Variants in CRABP1 observed in about 807,000 individuals in gnomAD.
CRABP1 encodes cellular retinoic acid-binding protein 1.
CRABP1 carries 9 observed loss-of-function variants against 16.4 expected under a neutral mutation model. That is an observed-to-expected ratio of 0.55 (90% confidence interval 0.33 to 0.96). The LOEUF is 0.96. Ranked by LOEUF, CRABP1 falls within the 40% of genes least tolerant of loss-of-function variation. CRABP1 has a pLI of 0.03. For synonymous variants in CRABP1, 72 were observed against 70.4 expected (o/e 1.02, Z -0.11); for missense variants, 157 against 186.0 (o/e 0.84, Z 0.91).
intron 3 of CRABP1, among the ~76,000 whole-genome samples, chr15:78,345,720 T>C (rs1479529181): frequency 6.6e-6 from 1 of 152,172 alleles, no homozygotes; most frequent in East Asian, 1.9e-4. Flanking sequence ...CAAACATATA[T>C]ACAAGACTCA....
chr15:78,343,538 AC>A lies in CRABP1; in HGVS notation c.290del (p.Thr97SerfsTer25). 1.2e-6 allele frequency: 2 copies of A among 1,614,190 alleles called. No homozygotes were observed. The highest frequency in any genetic ancestry group is 1.7e-6 in the Non-Finnish European group (2 of 1,180,022). ...TWENENKIHC[T>X]QTLLEGDGPK... is the part of the protein sequence containing the mutation. The stretch of plus-strand genomic sequence containing the variant: ...GGAGAATGAGAACAAGATCCACTGC[AC>A]GCAAACTCTTCTTGAAGGGGACGGC... On this transcript the variant is annotated frameshift_variant, in exon 3 of 4. Coordinates refer to ENST00000299529, the MANE Select transcript of CRABP1 (RefSeq NM_004378.3). LOFTEE classifies it high-confidence loss of function.
At chr15:78,340,543 G>A (rs754442605) in intron 1 of CRABP1, 45 bp downstream of exon 1, 2 of 1,585,688 alleles carry the variant, frequency 1.3e-6, no homozygotes, top group Non-Finnish European at 1.7e-6. Context: ...GATGCGGCCC[G>A]GAGGTGCCCT....
At chr15:78,343,454 T>C in intron 2 of CRABP1, 45 bp from the exon 3 acceptor site, 1 of 1,465,392 alleles carries the variant, frequency 6.8e-7, no homozygotes, top group Non-Finnish European at 9.6e-7. Context: ...CTGCTCCCGC[T>C]GCTGAGACTC....
intron 3 of CRABP1, 61 bp from the exon 4 acceptor site, chr15:78,347,865 GC>G: frequency 6.6e-7 from 1 of 1,517,070 alleles, no homozygotes; most frequent in Non-Finnish European, 9.1e-7. Context: ...TTAGTGATAT[GC>G]TTTAAACATT....
chr15:78,340,461 C>G lies in CRABP1; in HGVS notation c.33C>G (p.Arg11=). MPNFAGTWKM[R]SSENFDELLK... ...ACTTCGCCGGCACCTGGAAGATGCG[C>G]AGCAGCGAGAATTTCGACGAGCTGC... is the stretch of plus-strand genomic sequence containing the variant. The change falls in exon 1 of 4, where the codon CGC becomes CGG. Residue 11 remains arginine, a synonymous_variant. Transcript: ENST00000299529. The G allele has an allele frequency of 6.2e-7, 1 of 1,606,340 alleles. No individual in the cohort carries two copies. Among genetic ancestry groups the G allele is most frequent in the Non-Finnish European group, 8.5e-7 (1 of 1,177,850 alleles).
At chr15:78,345,057 C>A (rs953786255) in intron 3 of CRABP1, among the ~76,000 whole-genome samples, 1 of 152,124 alleles carries the variant, frequency 6.6e-6, no homozygotes, top group African/African-American at 2.4e-5. Context: ...TTTTGTTAAT[C>A]TCTGCTCCAT....
At chr15:78,340,655 G>A (rs555983792) in intron 1 of CRABP1, 157 bp downstream of exon 1, 27 of 831,936 alleles carry the variant, frequency 3.2e-5, no homozygotes, top group Non-Finnish European at 5.0e-5. Flanking sequence ...AGGCGCACCG[G>A]GTCTCGGAGA....
Position 78,341,748 on chromosome 15 carries a change from G to C in CRABP1, c.249+527G>C, listed in dbSNP as rs2050236602. ...GGCCTGGTTCCTTAAAGGAACGGCG[G>C]AGTCTTTCCAAAAGCAAGGCAGGTT... is the stretch of plus-strand genomic sequence containing the variant. On this transcript the variant is annotated intron_variant, in intron 2 of 3. Coordinates refer to ENST00000299529, the MANE Select transcript of CRABP1 (RefSeq NM_004378.3). This position sits in a 1 kb window ranked among gnomAD's most constrained non-coding sequence, Gnocchi z 5.3. 1 of 176,988 alleles carries C rather than the reference G, an allele frequency of 5.7e-6. No homozygotes were observed. The highest frequency in any genetic ancestry group is 1.2e-5 in the Non-Finnish European group (1 of 82,362). 11.0% of individuals were successfully genotyped at this position (176,988 alleles called of 1,614,324 possible). A position where few individuals can be genotyped will look rare whatever the true frequency, so the allele number is the denominator to read the frequency against.
At chr15:78,343,419 T>G in intron 2 of CRABP1, 80 bp from the exon 3 acceptor site, 1 of 1,102,774 alleles carries the variant, frequency 9.1e-7, no homozygotes, top group Admixed American at 1.9e-5. Flanking sequence ...GCAGAGCAAT[T>G]ATTTTTCAAT....
chr15:78,346,609 C>T (rs1277464945), intron 3 of CRABP1, among the ~76,000 whole-genome samples: 2 of 152,182 alleles, frequency 1.3e-5, no homozygotes, highest in African/African-American at 4.8e-5. Flanking sequence ...GCAGAGGTTG[C>T]AGTGAGCTGA....
In CRABP1 at chr15:78,348,132, C is replaced by A; in HGVS notation, c.*155C>A. On this transcript the variant is annotated 3_prime_UTR_variant, in exon 4 of 4. Coordinates refer to ENST00000299529, the MANE Select transcript of CRABP1 (RefSeq NM_004378.3). Reference sequence around the variant, plus strand: ...AATGTTGTAGTGTCCCCCACCCCCACCCCCCAGGCCTTGGTGCCTCTTGTA... The same window carrying A: ...AATGTTGTAGTGTCCCCCACCCCCAACCCCCAGGCCTTGGTGCCTCTTGTA... 1 of 668,814 alleles carries A rather than the reference C, an allele frequency of 1.5e-6. No individual in the cohort carries two copies. The highest frequency in any genetic ancestry group is 2.5e-6 in the Non-Finnish European group (1 of 392,262). 41.4% of individuals were successfully genotyped at this position (668,814 alleles called of 1,614,324 possible). A position where few individuals can be genotyped will look rare whatever the true frequency, so the allele number is the denominator to read the frequency against.
intron 3 of CRABP1, among the ~76,000 whole-genome samples, chr15:78,347,520 G>A (rs1479379206): frequency 1.3e-5 from 2 of 152,300 alleles, no homozygotes; most frequent in South Asian, 4.1e-4. Flanking sequence ...GAACTGGCTG[G>A]TGAGTGCTGG....
At chr15:78,342,788 C>T (rs1176374699) in intron 2 of CRABP1, among the ~76,000 whole-genome samples, 2 of 152,170 alleles carry the variant, frequency 1.3e-5, no homozygotes, top group Non-Finnish European at 2.9e-5. Context: ...TGCAGGGAAT[C>T]GTGCTCCTGA....
chr15:78,342,771 A>G (rs1161543647), intron 2 of CRABP1, among the ~76,000 whole-genome samples: 2 of 152,206 alleles, frequency 1.3e-5, no homozygotes, highest in African/African-American at 4.8e-5. Context: ...TCCTATCCCA[A>G]AATCCATGCA....
chr15:78,342,873 T>A (rs2050242778), intron 2 of CRABP1, among the ~76,000 whole-genome samples: 1 of 152,288 alleles, frequency 6.6e-6, no homozygotes, highest in East Asian at 1.9e-4. Flanking sequence ...ATGTGAAGGT[T>A]CTTGCTTTTA....
Position 78,341,507 on chromosome 15 carries a change from C to T in CRABP1, c.249+286C>T. On this transcript the variant is annotated intron_variant, in intron 2 of 3. Coordinates refer to ENST00000299529, the MANE Select transcript of CRABP1 (RefSeq NM_004378.3). This position sits in a 1 kb window ranked among gnomAD's most constrained non-coding sequence, Gnocchi z 5.3. ...GGTTGCGCCGCGTTCCCAGCAGTGG[C>T]TTTTGCAGCGGTTTGCAGCGCCAAG... is the stretch of plus-strand genomic sequence containing the variant. The T allele has an allele frequency of 2.4e-6, 1 of 417,454 alleles. No homozygotes were observed. The highest frequency in any genetic ancestry group is 4.5e-6 in the Non-Finnish European group (1 of 221,670). 25.9% of individuals were successfully genotyped at this position (417,454 alleles called of 1,614,324 possible).
rs774996280 is a variant in CRABP1, at chr15:78,341,200, C to G, written c.228C>G (p.Thr76=). 6 of 1,611,176 alleles carry G rather than the reference C, an allele frequency of 3.7e-6. No individual in the cohort carries two copies. The highest frequency in any genetic ancestry group is 5.1e-6 in the Non-Finnish European group (6 of 1,178,876). Residue 76 remains threonine (T), a synonymous_variant, in exon 2 of 4, where the codon ACC becomes ACG. Transcript: ENST00000299529. The surrounding 1 kb of genome is among the most constrained non-coding windows in gnomAD (Gnocchi z 5.3). The part of the protein sequence containing the change: ...FKVGEGFEEE[T]VDGRKCRSLA... Reference sequence around the variant, plus strand: ...TCGGAGAAGGCTTTGAGGAGGAGACCGTGGACGGACGCAAGTGCAGGGTGA... The same window carrying G: ...TCGGAGAAGGCTTTGAGGAGGAGACGGTGGACGGACGCAAGTGCAGGGTGA...
In CRABP1 at chr15:78,347,944, C is replaced by T. The variant is rs750855907; in HGVS notation, c.381C>T (p.Asp127=). 3.7e-5 allele frequency: 60 copies of T among 1,614,014 alleles called. No homozygotes were observed. The highest frequency in any genetic ancestry group is 2.0e-5 in the Non-Finnish European group (24 of 1,180,022). ...DELILTFGAD[D]VVCTRIYVRE is the part of the protein sequence containing the mutation. ...CTCTGCAGACGTTTGGCGCCGATGACGTGGTCTGCACCAGAATTTATGTCC... is the reference window on the plus strand; with the variant it reads ...CTCTGCAGACGTTTGGCGCCGATGATGTGGTCTGCACCAGAATTTATGTCC... Residue 127 remains aspartate, a synonymous_variant, in exon 4 of 4, where the codon GAC becomes GAT. Transcript: ENST00000299529.
chr15:78,344,458 A>G (rs1437001128), intron 3 of CRABP1, among the ~76,000 whole-genome samples: 3 of 12,900 alleles, frequency 2.3e-4, no homozygotes, highest in Admixed American at 2.1e-3. Context: ...TCTGTCTCTA[A>G]AAAAAAAAAA....
Sources: gnomAD v4.1 joint callset for allele counts (sites outside exome capture counted in the v4.1 genomes callset) on GRCh38, gnomAD v4.1.1 for gene constraint, Gnocchi (gnomAD v3.1) non-coding constraint, MANE v1.5 for transcripts, NCBI Gene and HGNC (gene_info 2026-07-23, HGNC 2026-07-21) for gene names.